Variants in DSE observed in about 807,000 individuals in gnomAD.
DSE encodes dermatan sulfate epimerase.
DSE carries 36 observed loss-of-function variants against 84.4 expected under a neutral mutation model. The observed-to-expected ratio is 0.43, with a 90% CI of 0.33 to 0.56. The LOEUF (loss-of-function observed/expected upper bound fraction) is 0.56. Among genes scored for constraint, DSE ranks in the 20% least tolerant of loss-of-function variants. The pLI, the probability that DSE is intolerant of heterozygous loss-of-function variation, is 0.06. For missense variants in DSE, 862 were observed against 1,169.6 expected (o/e 0.74, Z 3.84); for synonymous variants, 410 against 430.1 (o/e 0.95, Z 0.58).
chr6:116,267,091 T>C (rs972499375), intron 2 of DSE, among the ~76,000 whole-genome samples: 1 of 152,224 alleles, frequency 6.6e-6, no homozygotes, highest in African/African-American at 2.4e-5. Context: ...TATAAAAGTA[T>C]AGCACATACA....
In DSE at chr6:116,258,455, G is replaced by A. The variant is rs11965255; in HGVS notation, c.-566G>A. Reference sequence around the variant, plus strand: ...TTGCTTTTTTTGGTAGGGCTGCCCTGAAGGGCAGACAGGTTTATTGGGCAA... The same window carrying A: ...TTGCTTTTTTTGGTAGGGCTGCCCTAAAGGGCAGACAGGTTTATTGGGCAA... On this transcript the variant is annotated 5_prime_UTR_variant, in exon 2 of 4. Transcript: ENST00000430252. The A allele has an allele frequency of 5.1e-3, 4,465 of 875,598 alleles. 136 individuals are homozygous for A. The African/African-American group carries it at 0.064, about 13-fold the overall frequency. The allele number at this position is 875,598 out of a possible 1,614,324, so 54.2% of individuals were successfully genotyped here.
At chr6:116,299,161 A>G (rs1774840057) in intron 2 of DSE, among the ~76,000 whole-genome samples, 1 of 152,164 alleles carries the variant, frequency 6.6e-6, no homozygotes, top group Non-Finnish European at 1.5e-5. Context: ...GAAAAGAGGA[A>G]GTGAAAGCAA....
chr6:116,278,919 T>A, intron 2 of DSE: 1 of 1,614,116 alleles, frequency 6.2e-7, no homozygotes. Flanking sequence ...CTAAATTGGT[T>A]ATGTACCTTA....
intron 3 of DSE, among the ~76,000 whole-genome samples, chr6:116,428,621 A>C (rs1783603114): frequency 6.6e-6 from 1 of 152,210 alleles, no homozygotes; most frequent in African/African-American, 2.4e-5. Flanking sequence ...ATTTATGACA[A>C]GACTAGACAG....
At chr6:116,291,358 G>A (rs935473285) in intron 2 of DSE, among the ~76,000 whole-genome samples, 1 of 151,922 alleles carries the variant, frequency 6.6e-6, no homozygotes, top group Admixed American at 6.6e-5. Flanking sequence ...ATAATTTTGA[G>A]ATGAGTCCTA....
chr6:116,423,041 C>T (rs1783190802), intron 2 of DSE: 2 of 152,202 alleles, frequency 1.3e-5, no homozygotes, highest in African/African-American at 4.8e-5. Context: ...CCTTGTGTAA[C>T]ACAGTAGCTG....
At chr6:116,322,834 G>A (rs1468535700) in intron 2 of DSE, among the ~76,000 whole-genome samples, 2 of 152,146 alleles carry the variant, frequency 1.3e-5, no homozygotes, top group African/African-American at 2.4e-5. Flanking sequence ...GAGAGAAGTG[G>A]CAGGGTAGAA....
chr6:116,353,632 T>G (rs1778434912), intron 2 of DSE, among the ~76,000 whole-genome samples: 1 of 152,142 alleles, frequency 6.6e-6, no homozygotes, highest in Non-Finnish European at 1.5e-5. Context: ...CCCAGAAAAC[T>G]GAGATTTGGG....
chr6:116,332,837 TA>T (rs1777032662), intron 2 of DSE, among the ~76,000 whole-genome samples: 1 of 151,988 alleles, frequency 6.6e-6, no homozygotes, highest in Non-Finnish European at 1.5e-5. Flanking sequence ...AATCAATATA[TA>T]AAAAAATCCA....
upstream of DSE, chr6:116,369,859 G>T: frequency 7.9e-7 from 1 of 1,258,160 alleles, no homozygotes; most frequent in Non-Finnish European, 1.0e-6. Context: ...GAATTGGATG[G>T]AGGTGCCCTT....
chr6:116,421,463 A>ATATATATATATATATTT (rs1357496121), intron 2 of DSE, among the ~76,000 whole-genome samples: 8 of 61,330 alleles, frequency 1.3e-4, no homozygotes, highest in African/African-American at 2.8e-4. Flanking sequence ...ATATATATAT[A>ATATATATATATATATTT]TTTTTTTTTT....
At chr6:116,279,223 T>C in intron 2 of DSE, 1 of 1,609,760 alleles carries the variant, frequency 6.2e-7, no homozygotes, top group South Asian at 1.1e-5. Flanking sequence ...CTCCGCCACT[T>C]CTATTTCTTC....
chr6:116,322,363 C>T (rs1326175080), intron 2 of DSE, among the ~76,000 whole-genome samples: 2 of 151,952 alleles, frequency 1.3e-5, no homozygotes, highest in Non-Finnish European at 2.9e-5. Flanking sequence ...GGGCATAAGA[C>T]AATATGAGGG....
intron 2 of DSE, among the ~76,000 whole-genome samples, chr6:116,422,130 T>C (rs991904824): frequency 1.3e-5 from 2 of 152,270 alleles, no homozygotes; most frequent in Non-Finnish European, 2.9e-5. Flanking sequence ...TTTTATAACA[T>C]CATGCCTTTG....
chr6:116,325,509 G>C (rs1466153677), intron 2 of DSE, among the ~76,000 whole-genome samples: 1 of 152,038 alleles, frequency 6.6e-6, no homozygotes, highest in Admixed American at 6.5e-5. Context: ...CAGATTTCTT[G>C]CAACTTTCAT....
At chr6:116,380,224 G>A (rs1480915393) in intron 1 of DSE, among the ~76,000 whole-genome samples, 1 of 152,108 alleles carries the variant, frequency 6.6e-6, no homozygotes. Context: ...TAGTCATTGA[G>A]TAAGTATTTG....
intron 2 of DSE, among the ~76,000 whole-genome samples, chr6:116,340,838 A>G (rs897662163): frequency 3.7e-4 from 56 of 152,278 alleles, no homozygotes; most frequent in Middle Eastern, 3.4e-3. Flanking sequence ...TTATGGCTGC[A>G]TAGTATTCCG....
chr6:116,266,642 C>G (rs1406669797), intron 2 of DSE, among the ~76,000 whole-genome samples: 1 of 152,038 alleles, frequency 6.6e-6, no homozygotes, highest in Non-Finnish European at 1.5e-5. Context: ...TATGATAAAA[C>G]TACATTTTTA....
chr6:116,409,168 TACTTC>T (rs1418230362), intron 2 of DSE, among the ~76,000 whole-genome samples: 1 of 152,286 alleles, frequency 6.6e-6, no homozygotes, highest in African/African-American at 2.4e-5. Flanking sequence ...TTATCTTTAT[TACTTC>T]ACTTATATTT....
Sources: allele counts gnomAD v4.1 joint callset (sites outside exome capture counted in the v4.1 genomes callset), GRCh38; gene constraint gnomAD v4.1.1; transcripts MANE v1.5; gene names NCBI Gene and HGNC (gene_info 2026-07-23, HGNC 2026-07-21).